Variants in PRDM11 observed in about 807,000 individuals in gnomAD.
The protein encoded by PRDM11 is PR/SET domain 11.
PRDM11 carries 20 observed loss-of-function variants against 97.8 expected under a neutral mutation model. That is an observed-to-expected ratio of 0.20 (90% CI 0.14 to 0.30). PRDM11 has a LOEUF of 0.30. Ranked by LOEUF, PRDM11 falls within the 10% of genes least tolerant of loss-of-function variation. PRDM11 has a pLI of 1.00. For missense variants in PRDM11, 1,139 were observed against 1,555.2 expected (o/e 0.73, Z 4.50); for synonymous variants, 599 against 637.7 (o/e 0.94, Z 0.91).
chr11:45,103,815 A>T (rs1852018930), intron 1 of PRDM11, among the ~76,000 whole-genome samples: 1 of 150,330 alleles, frequency 6.7e-6, no homozygotes, highest in Non-Finnish European at 1.5e-5. Flanking sequence ...CCTCAACAAG[A>T]AAGGAAGCAA....
At chr11:45,210,308 C>T (rs1193131887) in intron 5 of PRDM11, among the ~76,000 whole-genome samples, 1 of 152,252 alleles carries the variant, frequency 6.6e-6, no homozygotes, top group Non-Finnish European at 1.5e-5. Flanking sequence ...TGCCTTTCCT[C>T]TCTACTTCCT....
chr11:45,183,041 T>C lies in PRDM11; in HGVS notation c.404T>C (p.Val135Ala), dbSNP rs1364007059. The C allele has an allele frequency of 2.5e-6, 4 of 1,613,834 alleles. No homozygotes were observed. The Admixed American group carries it at 5.0e-5, about 20-fold the overall frequency. Reference protein sequence around the residue: ...GESDVRCVNEVIPKGHIFGPY... With the variant: ...GESDVRCVNEAIPKGHIFGPY... ...AGTGACGTGCGATGTGTAAACGAGG[T>C]CATCCCCAAGGGCCACATCTTCGGC... The change falls in exon 4 of 8, where the codon GTC becomes GCC. Residue 135 changes from valine to alanine, a missense_variant. Coordinates refer to ENST00000683152, the MANE Select transcript of PRDM11 (RefSeq NM_001384648.1).
chr11:45,220,689 C>G (rs113332668), intron 6 of PRDM11, among the ~76,000 whole-genome samples: 1,902 of 152,230 alleles, frequency 0.012, 34 homozygotes, highest in African/African-American at 0.043. Context: ...GTACTGCAGT[C>G]CTAATGAGAT....
chr11:45,214,400 C>T (rs1179184548), intron 5 of PRDM11: 1 of 151,310 alleles, frequency 6.6e-6, no homozygotes, highest in African/African-American at 2.4e-5. Context: ...CCCCCACCCT[C>T]CCATCCTGCC....
Position 45,228,177 on chromosome 11 carries a change from G to T in PRDM11, c.*18G>T. 6.7e-7 allele frequency: 1 copy of T among 1,491,386 alleles called. No homozygotes were observed. Among genetic ancestry groups the T allele is most frequent in the Non-Finnish European group, 8.9e-7 (1 of 1,125,048 alleles). 92.4% of individuals were successfully genotyped at this position (1,491,386 alleles called of 1,614,324 possible). On this transcript the variant is annotated 3_prime_UTR_variant, in exon 8 of 8. Transcript: ENST00000683152. The stretch of plus-strand genomic sequence containing the variant: ...ACATTTAGGGAGCTGGCGCTGCAGA[G>T]TTCACTAAGCTGTTGAATATTTTTT...
intron 1 of PRDM11, among the ~76,000 whole-genome samples, chr11:45,170,736 C>T (rs2135717769): frequency 6.6e-6 from 1 of 152,198 alleles, no homozygotes; most frequent in Admixed American, 6.5e-5. Flanking sequence ...ACAGGTACAC[C>T]CTGACTGTGG....
At chr11:45,099,879 C>T (rs1851943403) in intron 1 of PRDM11, among the ~76,000 whole-genome samples, 1 of 152,186 alleles carries the variant, frequency 6.6e-6, no homozygotes. Flanking sequence ...CAGCCTGTCT[C>T]AGGACCCAGT....
chr11:45,205,832 G>A lies in PRDM11; in HGVS notation c.554+1054G>A, dbSNP rs1853489643. The stretch of plus-strand genomic sequence containing the variant: ...TGCCCACCTATACTCCTATCAGAGA[G>A]TGGCTGAGCAGCAGTTCACACCTCC... On this transcript the variant is annotated intron_variant, in intron 5 of 7. Transcript: ENST00000683152. Among the ~76,000 whole-genome samples the A allele has an allele frequency of 2.0e-5, 3 of 152,212 alleles. No homozygotes were observed. The South Asian group carries it at 6.2e-4, about 32-fold the overall frequency.
intron 4 of PRDM11, among the ~76,000 whole-genome samples, chr11:45,183,981 A>G (rs1169008769): frequency 6.6e-6 from 1 of 152,230 alleles, no homozygotes; most frequent in African/African-American, 2.4e-5. Context: ...CATGTCAAAT[A>G]ATAACTCTGA....
At chr11:45,146,908 T>C (rs1851522732) in intron 1 of PRDM11, 31 bp downstream of exon 1, 1 of 145,896 alleles carries the variant, frequency 6.9e-6, no homozygotes, top group Non-Finnish European at 1.5e-5. Flanking sequence ...AATGTGGCCA[T>C]TGAAAATGGC....
chr11:45,158,507 G>T (rs1851854731), intron 1 of PRDM11, among the ~76,000 whole-genome samples: 1 of 152,222 alleles, frequency 6.6e-6, no homozygotes, highest in Admixed American at 6.5e-5. Flanking sequence ...CCAGGCTCTG[G>T]CTTCAGGGCC....
intron 1 of PRDM11, among the ~76,000 whole-genome samples, chr11:45,166,606 G>A (rs1220485785): frequency 3.9e-5 from 6 of 152,234 alleles, no homozygotes; most frequent in African/African-American, 7.2e-5. Flanking sequence ...TGAGGGTGGC[G>A]ACCTTGTTCA....
Position 45,226,927 on chromosome 11 carries a change from G to C in PRDM11, c.2302G>C (p.Glu768Gln). Residue 768 changes from glutamate (E) to glutamine (Q), a missense_variant, in exon 8 of 8, where the codon GAG becomes CAG. Glu to Gln is a conservative substitution (Grantham distance 29). This residue lies in a region of PRDM11 where 710 missense variants were observed against 1,044.9 expected (regional missense o/e 0.68). Transcript: ENST00000683152. Reference protein sequence around the residue: ...LPFMVHRPHLEILDAISGKEL... With the variant: ...LPFMVHRPHLQILDAISGKEL... Reference sequence around the variant, plus strand: ...CTTCATGGTGCACCGGCCCCACCTGGAGATCCTGGATGCCATCAGCGGGAA... The same window carrying C: ...CTTCATGGTGCACCGGCCCCACCTGCAGATCCTGGATGCCATCAGCGGGAA... 1 of 1,533,978 alleles carries C rather than the reference G, an allele frequency of 6.5e-7. No individual in the cohort carries two copies. Among genetic ancestry groups the C allele is most frequent in the East Asian group, 2.4e-5 (1 of 40,920 alleles).
intron 1 of PRDM11, among the ~76,000 whole-genome samples, chr11:45,133,179 T>C (rs1852757609): frequency 6.6e-6 from 1 of 152,224 alleles, no homozygotes; most frequent in Non-Finnish European, 1.5e-5. Context: ...AAAAAGATAA[T>C]CTGTGCTTTC....
intron 1 of PRDM11, among the ~76,000 whole-genome samples, chr11:45,131,538 C>T (rs1012050988): frequency 6.6e-6 from 1 of 152,244 alleles, no homozygotes; most frequent in Admixed American, 6.5e-5. Context: ...CCCCTGAAAC[C>T]AAACAAATAT....
intron 4 of PRDM11, among the ~76,000 whole-genome samples, chr11:45,193,519 A>G (rs771419935): frequency 2.6e-5 from 4 of 152,244 alleles, no homozygotes; most frequent in African/African-American, 4.8e-5. Flanking sequence ...TTCTGCCATC[A>G]TGGTGCAAAA....
At chr11:45,197,602 C>A (rs183579000) in intron 4 of PRDM11, among the ~76,000 whole-genome samples, 1 of 152,186 alleles carries the variant, frequency 6.6e-6, no homozygotes, top group Admixed American at 6.5e-5. Context: ...ACACTTATTT[C>A]CAAACTCATC....
chr11:45,099,131 G>A (rs1228044640), intron 1 of PRDM11, among the ~76,000 whole-genome samples: 5 of 152,218 alleles, frequency 3.3e-5, no homozygotes, highest in South Asian at 2.1e-4. Flanking sequence ...GGAATGGCAC[G>A]CGATGCCTGA....
chr11:45,147,375 G>A (rs555552210), intron 1 of PRDM11: 2 of 152,274 alleles, frequency 1.3e-5, no homozygotes, highest in South Asian at 2.1e-4. Flanking sequence ...CCCGCGCCGG[G>A]GGCTGCTGCG....
Sources: allele counts gnomAD v4.1 joint callset (sites outside exome capture counted in the v4.1 genomes callset), GRCh38; gene constraint gnomAD v4.1.1; regional missense constraint gnomAD v4.1.1; transcripts MANE v1.5; gene names NCBI Gene and HGNC (gene_info 2026-07-23, HGNC 2026-07-21).